Variants in PHACTR1 observed in about 807,000 individuals in gnomAD.
PHACTR1 encodes phosphatase and actin regulator 1.
Under a neutral mutation model 69.2 loss-of-function variants are expected in PHACTR1, and 16 were observed. The observed-to-expected ratio is 0.23, with a 90% CI of 0.16 to 0.35. PHACTR1 has a LOEUF of 0.35. PHACTR1 is among the 10% of genes least tolerant of loss of function. The pLI is 1.00. For missense variants in PHACTR1, 510 were observed against 734.7 expected, an observed-to-expected ratio of 0.69 and a Z score of 3.54; for synonymous variants, 312 against 284.5, an observed-to-expected ratio of 1.10 and a Z score of -0.97.
intron 4 of PHACTR1, among the ~76,000 whole-genome samples, chr6:12,918,843 C>G (rs1787309065): frequency 1.3e-5 from 2 of 152,222 alleles, no homozygotes; most frequent in South Asian, 4.1e-4. Flanking sequence ...CAAATGGAAA[C>G]AACCATTCGT....
chr6:12,977,386 AC>A (rs1382733958), intron 4 of PHACTR1, among the ~76,000 whole-genome samples: 1 of 150,506 alleles, frequency 6.6e-6, no homozygotes, highest in Non-Finnish European at 1.5e-5. Flanking sequence ...TCTTTCACAC[AC>A]ACACACACAC....
chr6:12,795,205 T>C (rs1338982694), intron 4 of PHACTR1, among the ~76,000 whole-genome samples: 1 of 151,406 alleles, frequency 6.6e-6, no homozygotes, highest in East Asian at 1.9e-4. Context: ...ATTTACAAGA[T>C]GATATTTCCT....
At chr6:12,909,885 A>G (rs952689565) in intron 4 of PHACTR1, among the ~76,000 whole-genome samples, 3 of 152,178 alleles carry the variant, frequency 2.0e-5, no homozygotes, top group Non-Finnish European at 2.9e-5. Context: ...TACGATTCCC[A>G]CTATTCTTCA....
At position 13,206,116 on chromosome 6, in the gene PHACTR1, G is replaced by C; in HGVS notation, c.966G>C (p.Met322Ile). ...ACGAGCTCAACAAAACGCTGGCCAT[G>C]ACCATGCAGAGGCTGGAAAGGTAAA... ...MIDELNKTLAMTMQRLESSEQ... is the reference protein window; with the variant it reads ...MIDELNKTLAITMQRLESSEQ... The change falls in exon 8 of 15, where the codon ATG becomes ATC. Residue 322 changes from methionine to isoleucine, a missense_variant. Physicochemically the swap from Met to Ile is conservative, Grantham distance 10. Around this residue, in one of 2 missense-constraint regions of PHACTR1, gnomAD observed 419 missense variants for 530.9 expected, o/e 0.79. Coordinates refer to ENST00000332995, the MANE Select transcript of PHACTR1 (RefSeq NM_030948.6). 6.2e-7 allele frequency: 1 copy of C among 1,602,572 alleles called. No individual in the cohort carries two copies.
intron 5 of PHACTR1, among the ~76,000 whole-genome samples, chr6:13,152,089 C>T (rs1477985337): frequency 6.6e-6 from 1 of 152,090 alleles, no homozygotes; most frequent in Non-Finnish European, 1.5e-5. Context: ...TCCCAGCACT[C>T]TGGGAGGTAG....
intron 5 of PHACTR1, among the ~76,000 whole-genome samples, chr6:13,104,038 C>T (rs1416482425): frequency 3.3e-5 from 5 of 152,102 alleles, no homozygotes; most frequent in Non-Finnish European, 5.9e-5. Flanking sequence ...GAGCTGAGAT[C>T]GCACTGCTGC....
intron 5 of PHACTR1, among the ~76,000 whole-genome samples, chr6:13,096,605 G>A (rs569060489): frequency 6.6e-6 from 1 of 152,156 alleles, no homozygotes; most frequent in Non-Finnish European, 1.5e-5. Flanking sequence ...GTAGGGAAAA[G>A]AACAAGTGCA....
intron 4 of PHACTR1, among the ~76,000 whole-genome samples, chr6:12,891,794 C>T (rs1333467911): frequency 6.6e-6 from 1 of 152,082 alleles, no homozygotes; most frequent in East Asian, 1.9e-4. Context: ...TACATAGTAA[C>T]AGTTTACTCT....
At chr6:13,028,240 A>G (rs1583032048) in intron 4 of PHACTR1, among the ~76,000 whole-genome samples, 1 of 152,198 alleles carries the variant, frequency 6.6e-6, no homozygotes, top group African/African-American at 2.4e-5. Context: ...TACTGTATTG[A>G]CTGACTACAT....
intron 5 of PHACTR1, among the ~76,000 whole-genome samples, chr6:13,144,954 G>A (rs924501454): frequency 6.6e-5 from 10 of 152,120 alleles, no homozygotes; most frequent in Middle Eastern, 3.4e-3. Context: ...AAATAAGAAA[G>A]TGCCTAGATT....
chr6:13,087,272 C>G (rs73368189), intron 5 of PHACTR1, among the ~76,000 whole-genome samples: 11,794 of 150,102 alleles, frequency 0.079, 1,529 homozygotes, highest in African/African-American at 0.27. Context: ...AAAAATGAAG[C>G]CTTAGGTGGT....
Position 12,959,508 on chromosome 6 carries a change from A to G in PHACTR1, c.251-93857A>G, listed in dbSNP as rs191825906. On this transcript the variant is annotated intron_variant, in intron 4 of 14. Coordinates refer to ENST00000332995, the MANE Select transcript of PHACTR1 (RefSeq NM_030948.6). ...TGAAATGTAGATGCTATAGTATTAC[A>G]AATATTCATAATATAAAAGAACAGC... 3.9e-3 allele frequency among the ~76,000 whole-genome samples: 596 copies of G among 152,354 alleles called. 5 individuals are homozygous for G. The highest frequency in any genetic ancestry group is 0.014 in the African/African-American group (563 of 41,572).
chr6:12,826,245 C>A (rs1776788904), intron 4 of PHACTR1, among the ~76,000 whole-genome samples: 1 of 152,074 alleles, frequency 6.6e-6, no homozygotes, highest in Non-Finnish European at 1.5e-5. Flanking sequence ...GATATATACT[C>A]CCCAAAAAGA....
intron 4 of PHACTR1, among the ~76,000 whole-genome samples, chr6:12,898,956 G>T (rs1784942899): frequency 6.6e-6 from 1 of 152,094 alleles, no homozygotes; most frequent in African/African-American, 2.4e-5. Flanking sequence ...GTTCCCCTGG[G>T]CCTGTCTGAA....
At chr6:13,211,684 C>T (rs1766868702) in intron 8 of PHACTR1, among the ~76,000 whole-genome samples, 1 of 152,210 alleles carries the variant, frequency 6.6e-6, no homozygotes, top group Non-Finnish European at 1.5e-5. Context: ...GTCCGCAAAT[C>T]CTGTCTGGTC....
At chr6:13,101,228 G>A (rs1202523070) in intron 5 of PHACTR1, among the ~76,000 whole-genome samples, 1 of 152,186 alleles carries the variant, frequency 6.6e-6, no homozygotes, top group Admixed American at 6.5e-5. Context: ...AAGGCCAAAG[G>A]GCAAGTAAGG....
intron 5 of PHACTR1, among the ~76,000 whole-genome samples, chr6:13,059,596 A>C (rs1162421479): frequency 6.6e-6 from 1 of 152,200 alleles, no homozygotes. Flanking sequence ...GTCCAAACTC[A>C]TCTACTTGTA....
intron 4 of PHACTR1, among the ~76,000 whole-genome samples, chr6:12,782,684 G>C (rs538088176): frequency 6.6e-6 from 1 of 152,172 alleles, no homozygotes; most frequent in Non-Finnish European, 1.5e-5. Context: ...ATGTTAGATA[G>C]AGCTGGATAA....
intron 7 of PHACTR1, among the ~76,000 whole-genome samples, chr6:13,200,280 G>A (rs577748098): frequency 4.9e-4 from 74 of 152,032 alleles, no homozygotes; most frequent in African/African-American, 1.5e-3. Flanking sequence ...GCACAATCTC[G>A]GCTCACTGCA....
Sources: gnomAD v4.1 joint callset for allele counts (sites outside exome capture counted in the v4.1 genomes callset) on GRCh38, gnomAD v4.1.1 for gene constraint, gnomAD v4.1.1 regional missense constraint, MANE v1.5 for transcripts, NCBI Gene and HGNC (gene_info 2026-07-23, HGNC 2026-07-21) for gene names.